Variants in ITGAE observed in about 807,000 individuals in gnomAD.
ITGAE encodes the protein integrin subunit alpha E.
In ITGAE, 99 loss-of-function variants were observed where a neutral mutation model predicts 136.5. That is an observed-to-expected ratio of 0.73 (90% CI 0.62 to 0.86). The LOEUF is 0.86. ITGAE is among the 40% of genes least tolerant of loss of function. The pLI is 0.00. For synonymous variants in ITGAE, 613 were observed against 591.8 expected, an observed-to-expected ratio of 1.04 and a Z score of -0.52; for missense variants, 1,447 against 1,515.3, an observed-to-expected ratio of 0.95 and a Z score of 0.75.
Position 3,723,740 on chromosome 17 carries a change from G to A in ITGAE, c.3089C>T (p.Ser1030Phe). 2 of 1,607,408 alleles carry A rather than the reference G, an allele frequency of 1.2e-6. No individual in the cohort carries two copies. The highest frequency in any genetic ancestry group is 1.1e-5 in the South Asian group (1 of 90,378). Reference protein sequence around the residue: ...AVKKLTRTQASTVCTWSQERA... With the variant: ...AVKKLTRTQAFTVCTWSQERA... ...CTCCTGACTCCAGGTGCACACCGTG[G>A]AGGCCTGAAACGAGAGCCATGACCG... Residue 1030 changes from serine (S) to phenylalanine (F), a missense_variant, in exon 27 of 31, where the codon TCC becomes TTC. Ser to Phe is a radical substitution (Grantham distance 155). This residue lies in a region of ITGAE where 1,031 missense variants were observed against 1,011.4 expected (regional missense o/e 1.02). Transcript: ENST00000263087.
rs374764042 is a variant in ITGAE at position 3,784,063 on chromosome 17, A to G, written c.35-6403T>C. ...ATCACGAGGTCAGGAGATCAAGACC[A>G]TCCTGGCTAACACGGTGAAACCCCG... On this transcript the variant is annotated intron_variant, in intron 1 of 30. Transcript: ENST00000263087. Among the ~76,000 whole-genome samples the G allele has an allele frequency of 1.4e-4, 22 of 152,266 alleles. 1 individual carries two copies. The highest frequency in any genetic ancestry group is 4.8e-4 in the African/African-American group (20 of 41,568).
chr17:3,797,802 G>A (rs1371836898), intron 1 of ITGAE, among the ~76,000 whole-genome samples: 5 of 152,204 alleles, frequency 3.3e-5, no homozygotes, highest in South Asian at 2.1e-4. Flanking sequence ...TCCTCCCCAC[G>A]TCTGCCTTCC....
chr17:3,793,973 C>CTT (rs5818917), intron 1 of ITGAE, among the ~76,000 whole-genome samples: 56 of 81,178 alleles, frequency 6.9e-4, no homozygotes, highest in African/African-American at 1.6e-3. Context: ...CCTCTTCATC[C>CTT]TTTTTTTTTT....
Position 3,789,782 on chromosome 17 carries a change from T to A in ITGAE, c.34+11329A>T, listed in dbSNP as rs368396330. Among the ~76,000 whole-genome samples the A allele has an allele frequency of 7.2e-5, 11 of 152,324 alleles. No homozygotes were observed. The East Asian group carries it at 1.5e-3, about 21-fold the overall frequency. ...CTCTCAAATGCTGGGATTTCAGGCG[T>A]GAGCCACCTCACCCAGCCTTAAATT... On this transcript the variant is annotated intron_variant, in intron 1 of 30. Coordinates refer to ENST00000263087, the MANE Select transcript of ITGAE (RefSeq NM_002208.5).
intron 1 of ITGAE, among the ~76,000 whole-genome samples, chr17:3,788,196 T>C (rs2052844489): frequency 6.7e-6 from 1 of 149,978 alleles, no homozygotes; most frequent in Admixed American, 6.6e-5. Flanking sequence ...TTCACTCACT[T>C]ACTTTTTTTT....
chr17:3,743,359 C>T (rs985365236), intron 19 of ITGAE, 130 bp downstream of exon 19: 36 of 1,043,364 alleles, frequency 3.5e-5, no homozygotes, highest in Non-Finnish European at 4.1e-5. Flanking sequence ...ACCATGAGTA[C>T]GGTGAGGGGC....
At chr17:3,741,988 A>G (rs911531731) in intron 19 of ITGAE, among the ~76,000 whole-genome samples, 5 of 152,174 alleles carry the variant, frequency 3.3e-5, no homozygotes, top group African/African-American at 4.8e-5. Context: ...GAGGCAGGAG[A>G]ATTGCTTGAA....
chr17:3,796,314 T>C (rs2053102858), intron 1 of ITGAE, among the ~76,000 whole-genome samples: 2 of 152,076 alleles, frequency 1.3e-5, no homozygotes, highest in African/African-American at 4.8e-5. Context: ...CAGTTTGCCT[T>C]TGAGCTGCGC....
intron 2 of ITGAE, among the ~76,000 whole-genome samples, chr17:3,765,946 C>G (rs996372412): frequency 6.6e-6 from 1 of 152,174 alleles, no homozygotes; most frequent in Non-Finnish European, 1.5e-5. Context: ...AATGGCCCCC[C>G]AAAGAAGGCC....
intron 1 of ITGAE, among the ~76,000 whole-genome samples, chr17:3,781,047 G>C (rs1426032231): frequency 6.6e-6 from 1 of 152,138 alleles, no homozygotes; most frequent in Non-Finnish European, 1.5e-5. Context: ...GTCTCTTTTT[G>C]TAAGTTTGTT....
rs202176925 is a variant in ITGAE, at chr17:3,723,929, G to T, written c.3085-185C>A. The T allele has an allele frequency of 2.6e-6, 4 of 1,543,228 alleles. No individual in the cohort carries two copies. In the East Asian group the frequency reaches 6.9e-5, roughly 27 times the overall value. On this transcript the variant is annotated intron_variant, in intron 26 of 30. Coordinates refer to ENST00000263087, the MANE Select transcript of ITGAE (RefSeq NM_002208.5). ...TTTGCGTTTGAACCTCTTGGCGGGTGCCGGCCATGGCGGCTTCGCTCCCGG... is the reference window on the plus strand; with the variant it reads ...TTTGCGTTTGAACCTCTTGGCGGGTTCCGGCCATGGCGGCTTCGCTCCCGG...
chr17:3,717,935 G>C (rs1422682084), intron 29 of ITGAE: 1 of 152,208 alleles, frequency 6.6e-6, no homozygotes, highest in African/African-American at 2.4e-5. Flanking sequence ...GTCCCAAGGT[G>C]ACTCGGGAAA....
chr17:3,764,158 G>T (rs2052238915), intron 2 of ITGAE, among the ~76,000 whole-genome samples, 198 bp from the exon 3 acceptor site: 1 of 152,194 alleles, frequency 6.6e-6, no homozygotes, highest in African/African-American at 2.4e-5. Context: ...GCAGGAAATG[G>T]TTAAATGCAA....
intron 22 of ITGAE, 87 bp downstream of exon 22, chr17:3,732,281 G>C: frequency 6.9e-6 from 7 of 1,013,876 alleles, no homozygotes; most frequent in Non-Finnish European, 1.1e-5. Context: ...GCGCAAAGCT[G>C]GAACCGAGAG....
At chr17:3,745,703 C>A in intron 18 of ITGAE, 61 bp downstream of exon 18, 1 of 1,535,810 alleles carries the variant, frequency 6.5e-7, no homozygotes, top group Non-Finnish European at 8.9e-7. Context: ...ACTGCATCAC[C>A]TCAAATCCTT....
At chr17:3,777,092 C>G (rs1309533695) in intron 2 of ITGAE, among the ~76,000 whole-genome samples, 1 of 152,044 alleles carries the variant, frequency 6.6e-6, no homozygotes, top group African/African-American at 2.4e-5. Context: ...TCCTGAGTAG[C>G]TGGGACTACA....
At chr17:3,717,474 T>C (rs1282654300) in intron 29 of ITGAE, 1 of 152,226 alleles carries the variant, frequency 6.6e-6, no homozygotes, top group Non-Finnish European at 1.5e-5. Context: ...TAATCTCTCT[T>C]CTGGCAGGGC....
At chr17:3,742,444 T>G (rs1021131591) in intron 19 of ITGAE, among the ~76,000 whole-genome samples, 5 of 144,096 alleles carry the variant, frequency 3.5e-5, no homozygotes, top group Admixed American at 3.0e-4. Flanking sequence ...AAATATATAT[T>G]GAAGGTTTGT....
At chr17:3,724,647 C>T in intron 26 of ITGAE, 1 of 1,614,190 alleles carries the variant, frequency 6.2e-7, no homozygotes, top group Non-Finnish European at 8.5e-7. Flanking sequence ...CCACCAAACC[C>T]GCGCCAGCCT....
Sources: allele counts gnomAD v4.1 joint callset (sites outside exome capture counted in the v4.1 genomes callset), GRCh38; gene constraint gnomAD v4.1.1; regional missense constraint gnomAD v4.1.1; transcripts MANE v1.5; gene names NCBI Gene and HGNC (gene_info 2026-07-23, HGNC 2026-07-21).